Variants in DIAPH3 observed in about 807,000 individuals in gnomAD.
DIAPH3 encodes the protein protein diaphanous homolog 3.
Under a neutral mutation model 144.3 loss-of-function variants are expected in DIAPH3, and 117 were observed. That is an observed-to-expected ratio of 0.81 (90% confidence interval 0.70 to 0.95). The LOEUF is 0.95. DIAPH3 is among the 40% of genes least tolerant of loss of function. The probability of loss-of-function intolerance (pLI) is 0.00; values close to 1 mark genes in which losing one functional copy is unlikely to be tolerated. For missense variants in DIAPH3, 1,421 were observed against 1,412.7 expected, an observed-to-expected ratio of 1.01 and a Z score of -0.09; for synonymous variants, 519 against 488.9, an observed-to-expected ratio of 1.06 and a Z score of -0.81.
chr13:59,870,490 AT>A (rs1211339181), intron 21 of DIAPH3, among the ~76,000 whole-genome samples: 1 of 151,956 alleles, frequency 6.6e-6, no homozygotes, highest in Non-Finnish European at 1.5e-5. Flanking sequence ...CTTTGAAATC[AT>A]TTTGTCAATA....
At chr13:60,082,392 GA>G (rs947864344) in intron 4 of DIAPH3, among the ~76,000 whole-genome samples, 2 of 146,172 alleles carry the variant, frequency 1.4e-5, no homozygotes, top group Non-Finnish European at 3.0e-5. Context: ...ACACATCAGT[GA>G]AAAAAAAAGA....
At chr13:59,680,625 T>A (rs990049587) in intron 27 of DIAPH3, among the ~76,000 whole-genome samples, 14 of 151,526 alleles carry the variant, frequency 9.2e-5, no homozygotes, top group Middle Eastern at 6.8e-3. Context: ...CCACTAGAGG[T>A]CAGACGGCTA....
intron 27 of DIAPH3, among the ~76,000 whole-genome samples, chr13:59,736,712 C>CA (rs908248745): frequency 1.3e-5 from 2 of 151,920 alleles, no homozygotes; most frequent in Middle Eastern, 3.2e-3. Flanking sequence ...CAATCCTAAG[C>CA]AAAAAAGAAC....
chr13:60,107,879 T>C (rs993662130), intron 3 of DIAPH3, among the ~76,000 whole-genome samples: 5 of 152,214 alleles, frequency 3.3e-5, no homozygotes, highest in East Asian at 1.9e-4. Flanking sequence ...CTGTTAATGA[T>C]AGCATTCTGA....
At chr13:59,722,404 C>T (rs545514448) in intron 27 of DIAPH3, among the ~76,000 whole-genome samples, 1 of 152,322 alleles carries the variant, frequency 6.6e-6, no homozygotes, top group Non-Finnish European at 1.5e-5. Flanking sequence ...TCTTCCTGTA[C>T]TGCAGTGGCT....
At chr13:60,034,717 G>C (rs1349535151) in intron 5 of DIAPH3, 5 of 152,176 alleles carry the variant, frequency 3.3e-5, no homozygotes, top group African/African-American at 1.2e-4. Flanking sequence ...TCCTGCCTCA[G>C]CCTCCCAAGT....
chr13:59,816,748 G>T (rs1392018109), intron 24 of DIAPH3, among the ~76,000 whole-genome samples: 2 of 151,674 alleles, frequency 1.3e-5, no homozygotes, highest in East Asian at 1.9e-4. Context: ...TATTTTGGGG[G>T]TACATATGAT....
intron 27 of DIAPH3, among the ~76,000 whole-genome samples, chr13:59,702,796 G>T (rs1297754188): frequency 6.6e-6 from 1 of 152,082 alleles, no homozygotes; most frequent in African/African-American, 2.4e-5. Flanking sequence ...TAATCTCCTA[G>T]TTAATCCCTC....
At chr13:59,730,482 G>A (rs778490137) in intron 27 of DIAPH3, among the ~76,000 whole-genome samples, 1 of 152,116 alleles carries the variant, frequency 6.6e-6, no homozygotes, top group Admixed American at 6.5e-5. Context: ...ATTATAAAAG[G>A]AGAGATTGTA....
chr13:60,017,022 A>G (rs1179282487), intron 5 of DIAPH3, among the ~76,000 whole-genome samples: 2 of 152,222 alleles, frequency 1.3e-5, no homozygotes, highest in East Asian at 1.9e-4. Context: ...AAGAAAAGAT[A>G]TATGTGTGTA....
chr13:59,802,673 T>TATTTTA (rs2039991682), intron 25 of DIAPH3, among the ~76,000 whole-genome samples: 1 of 50,364 alleles, frequency 2.0e-5, no homozygotes, highest in Non-Finnish European at 4.2e-5. Context: ...TATTATTTTT[T>TATTTTA]TTTTTTTTTT....
Position 59,861,548 on chromosome 13 carries a change from A to G in DIAPH3, c.2608-12T>C. ...TTTGTGTCCTTTAGCTAAATAGAAC[A>G]GGAGGGAGAAAAAACACAGAGTCAT... On this transcript the variant is annotated splice_polypyrimidine_tract_variant and intron_variant, in intron 21 of 27. Coordinates refer to ENST00000400324, the MANE Select transcript of DIAPH3 (RefSeq NM_001042517.2). 1 of 1,613,254 alleles carries G rather than the reference A, an allele frequency of 6.2e-7. No individual in the cohort carries two copies. Among genetic ancestry groups the G allele is most frequent in the Non-Finnish European group, 8.5e-7 (1 of 1,179,460 alleles).
intron 23 of DIAPH3, chr13:59,837,568 C>A (rs1035581810): frequency 6.5e-6 from 1 of 153,910 alleles, no homozygotes; most frequent in East Asian, 1.9e-4. Flanking sequence ...CTATAGGGAA[C>A]AATAATAAGT....
intron 25 of DIAPH3, among the ~76,000 whole-genome samples, chr13:59,782,061 C>G (rs2038768725): frequency 6.6e-6 from 1 of 151,752 alleles, no homozygotes; most frequent in Non-Finnish European, 1.5e-5. Context: ...TATAAATTAC[C>G]CAGTCTAAGG....
At chr13:60,070,564 A>C (rs1009396165) in intron 4 of DIAPH3, among the ~76,000 whole-genome samples, 2 of 152,178 alleles carry the variant, frequency 1.3e-5, no homozygotes, top group Non-Finnish European at 2.9e-5. Context: ...CAAGGGAAGA[A>C]GGGAGAAAAT....
chr13:59,810,971 G>A (rs367715522), intron 24 of DIAPH3, 48 bp from the exon 25 acceptor site: 126 of 1,524,434 alleles, frequency 8.3e-5, no homozygotes, highest in Non-Finnish European at 9.4e-5. Flanking sequence ...GATTCATCCC[G>A]CAAAATGGAA....
intron 18 of DIAPH3, among the ~76,000 whole-genome samples, chr13:59,918,661 C>A (rs1435261486): frequency 2.6e-5 from 4 of 152,140 alleles, no homozygotes; most frequent in African/African-American, 7.2e-5. Context: ...CCAACAACAG[C>A]AACCCATACC....
intron 27 of DIAPH3, among the ~76,000 whole-genome samples, chr13:59,705,156 A>G (rs1165923816): frequency 7.0e-6 from 1 of 142,988 alleles, no homozygotes; most frequent in Non-Finnish European, 1.5e-5. Context: ...AAAAATGATT[A>G]TAGCCTAGTC....
chr13:60,080,375 G>C (rs989665358), intron 4 of DIAPH3, among the ~76,000 whole-genome samples: 4 of 151,790 alleles, frequency 2.6e-5, no homozygotes, highest in African/African-American at 9.7e-5. Context: ...AATGTGCACA[G>C]ATCAATTAGA....
Sources: allele counts gnomAD v4.1 joint callset (sites outside exome capture counted in the v4.1 genomes callset), GRCh38; gene constraint gnomAD v4.1.1; transcripts MANE v1.5; gene names NCBI Gene and HGNC (gene_info 2026-07-23, HGNC 2026-07-21).